Variants in DNAH3 observed in about 807,000 individuals in gnomAD.
The protein encoded by DNAH3 is dynein axonemal heavy chain 3.
A neutral mutation model predicts 432.5 loss-of-function variants in DNAH3; 332 were observed. The observed-to-expected ratio is 0.77, with a 90% CI of 0.70 to 0.84. DNAH3 has a LOEUF of 0.84. Ranked by LOEUF, DNAH3 falls within the 40% of genes least tolerant of loss-of-function variation. The pLI, the probability that DNAH3 is intolerant of heterozygous loss-of-function variation, is 0.00. For synonymous variants in DNAH3, 1,956 were observed against 1,900.2 expected (o/e 1.03, Z -0.76); for missense variants, 4,861 against 5,114.0 (o/e 0.95, Z 1.51).
At chr16:20,991,218 A>G (rs1045501665) in intron 44 of DNAH3, among the ~76,000 whole-genome samples, 6 of 151,498 alleles carry the variant, frequency 4.0e-5, no homozygotes, top group African/African-American at 1.5e-4. Context: ...ATTTGTAGAC[A>G]CCAGGGTTTA....
At chr16:21,019,366 G>C (rs2088031694) in intron 41 of DNAH3, 1 of 468,468 alleles carries the variant, frequency 2.1e-6, no homozygotes, top group Non-Finnish European at 3.8e-6. Context: ...CACCATGTTG[G>C]CCAGGCCGGT....
intron 37 of DNAH3, 136 bp downstream of exon 37, chr16:21,030,909 G>A: frequency 1.2e-6 from 1 of 862,056 alleles, no homozygotes; most frequent in Admixed American, 2.5e-5. Context: ...ATCCTCCTGT[G>A]GGGCATTTAT....
At position 20,933,595 on chromosome 16, in the gene DNAH3, G is replaced by A. The variant is rs2083486117; in HGVS notation, c.11998-88C>T. Reference sequence around the variant, plus strand: ...AGCCTGGAATCTTCTGATACTCAAAGTGCAACCTGGTTGCAATATCTACCT... The same window carrying A: ...AGCCTGGAATCTTCTGATACTCAAAATGCAACCTGGTTGCAATATCTACCT... On this transcript the variant is annotated intron_variant, in intron 61 of 61. Coordinates refer to ENST00000261383, the Ensembl canonical transcript of DNAH3. 3.8e-6 allele frequency: 4 copies of A among 1,057,528 alleles called. 1 individual carries two copies. Among genetic ancestry groups the A allele is most frequent in the African/African-American group, 1.6e-5 (1 of 62,838 alleles). The allele number at this position is 1,057,528 out of a possible 1,614,324, so 65.5% of individuals were successfully genotyped here.
At chr16:21,135,827 C>T (rs1372513797) in intron 6 of DNAH3, among the ~76,000 whole-genome samples, 1 of 151,218 alleles carries the variant, frequency 6.6e-6, no homozygotes, top group East Asian at 1.9e-4. Flanking sequence ...TCTCTTGAGT[C>T]CAGGATGTTC....
At chr16:20,994,866 TTTA>T (rs1567606245) in intron 44 of DNAH3, among the ~76,000 whole-genome samples, 5 of 152,186 alleles carry the variant, frequency 3.3e-5, no homozygotes, top group Admixed American at 2.0e-4. Context: ...AAATCCTCCT[TTTA>T]TTATTATTTT....
intron 28 of DNAH3, among the ~76,000 whole-genome samples, chr16:21,052,697 GTA>G (rs1395932571): frequency 7.2e-5 from 11 of 152,214 alleles, no homozygotes; most frequent in African/African-American, 2.7e-4. Context: ...TGTTATACAG[GTA>G]TTAGCTATTG....
rs936811740 is a variant in DNAH3, at chr16:20,988,862, G to A, written c.6602-797C>T. 7.2e-5 allele frequency among the ~76,000 whole-genome samples: 11 copies of A among 151,780 alleles called. No homozygotes were observed. In the East Asian group the frequency reaches 1.7e-3, roughly 24 times the overall value. ...TTCCTTCTGGTGGGTTCGTCATCTC[G>A]CTGGCTCAGGAGTGAAGCTGCAGAC... On this transcript the variant is annotated intron_variant, in intron 44 of 61. Transcript: ENST00000261383.
chr16:20,955,914 TTTATC>T (rs961135257), intron 54 of DNAH3, among the ~76,000 whole-genome samples: 1 of 151,844 alleles, frequency 6.6e-6, no homozygotes, highest in African/African-American at 2.4e-5. Context: ...TTTTATTATT[TTTATC>T]TTATTTTATT....
chr16:21,048,790 T>G, intron 31 of DNAH3, among the ~76,000 whole-genome samples: 1 of 151,616 alleles, frequency 6.6e-6, no homozygotes, highest in South Asian at 2.1e-4. Context: ...GCCTCCCAGG[T>G]TCAAGCCATT....
At chr16:21,157,947 A>G (rs1316558601) in intron 1 of DNAH3, among the ~76,000 whole-genome samples, 1 of 152,000 alleles carries the variant, frequency 6.6e-6, no homozygotes, top group African/African-American at 2.4e-5. Flanking sequence ...CTGGCATCTA[A>G]TGGGTAGAGG....
chr16:20,943,773 G>A (rs1412637668), intron 58 of DNAH3, among the ~76,000 whole-genome samples: 1 of 152,130 alleles, frequency 6.6e-6, no homozygotes, highest in Non-Finnish European at 1.5e-5. Flanking sequence ...TTGAGCCCAG[G>A]AGTTTGAGAC....
At chr16:21,126,788 G>A (rs1352109872) in intron 8 of DNAH3, among the ~76,000 whole-genome samples, 2 of 152,082 alleles carry the variant, frequency 1.3e-5, no homozygotes, top group African/African-American at 2.4e-5. Flanking sequence ...GATCAGCAGC[G>A]GCATTAGATT....
chr16:20,976,972 G>A (rs1372209922), intron 50 of DNAH3, among the ~76,000 whole-genome samples: 2 of 152,234 alleles, frequency 1.3e-5, no homozygotes, highest in Non-Finnish European at 2.9e-5. Flanking sequence ...AAGACAAACA[G>A]TCTGATGCTC....
chr16:21,026,869 C>T (rs940924890), intron 38 of DNAH3, among the ~76,000 whole-genome samples, 158 bp downstream of exon 38: 1 of 151,876 alleles, frequency 6.6e-6, no homozygotes, highest in Non-Finnish European at 1.5e-5. Flanking sequence ...TGCACATATA[C>T]CCCCTGGAAC....
intron 5 of DNAH3, among the ~76,000 whole-genome samples, chr16:21,139,320 C>CTTTTTATTTTTTTTTTTT (rs2092687393): frequency 3.4e-5 from 1 of 29,614 alleles, no homozygotes. Context: ...TTTCCTCATG[C>CTTTTTATTTTTTTTTTTT]TTTTTTTTTT....
chr16:21,053,132 C>T lies in DNAH3; in HGVS notation c.4040-1264G>A, dbSNP rs1026495100. Reference sequence around the variant, plus strand: ...CGACTCAAAATTAGGACCTCAGAAACGTCACTTTTCAAAGGGTTGCTTCCA... The same window carrying T: ...CGACTCAAAATTAGGACCTCAGAAATGTCACTTTTCAAAGGGTTGCTTCCA... On this transcript the variant is annotated intron_variant, in intron 28 of 61. Coordinates refer to ENST00000261383, the Ensembl canonical transcript of DNAH3. 1.2e-4 allele frequency among the ~76,000 whole-genome samples: 19 copies of T among 152,262 alleles called. No individual in the cohort carries two copies. In the East Asian group the frequency reaches 1.3e-3, roughly 11 times the overall value.
intron 52 of DNAH3, among the ~76,000 whole-genome samples, chr16:20,966,802 G>A (rs1326216063): frequency 6.6e-6 from 1 of 152,170 alleles, no homozygotes; most frequent in African/African-American, 2.4e-5. Context: ...AACTGTGTGA[G>A]TGAGGCAAAG....
intron 9 of DNAH3, among the ~76,000 whole-genome samples, chr16:21,122,633 C>A (rs563689672): frequency 6.6e-6 from 1 of 152,272 alleles, no homozygotes; most frequent in South Asian, 2.1e-4. Flanking sequence ...TTTCCCAAAG[C>A]CTTTATTCCC....
intron 18 of DNAH3, among the ~76,000 whole-genome samples, chr16:21,087,316 G>A (rs1380671178): frequency 6.6e-6 from 1 of 152,228 alleles, no homozygotes; most frequent in Non-Finnish European, 1.5e-5. Context: ...AATTCAGTGA[G>A]ATAATATACA....
Sources: allele counts gnomAD v4.1 joint callset (sites outside exome capture counted in the v4.1 genomes callset), GRCh38; gene constraint gnomAD v4.1.1; transcripts MANE v1.5; gene names NCBI Gene and HGNC (gene_info 2026-07-23, HGNC 2026-07-21).